Variants in CRB1 observed in about 807,000 individuals in gnomAD.
The protein encoded by CRB1 is protein crumbs homolog 1.
In CRB1, 83 loss-of-function variants were observed where a neutral mutation model predicts 120.0. The observed-to-expected ratio is 0.69, with a 90% confidence interval of 0.58 to 0.83. The LOEUF is 0.83. CRB1 is among the 40% of genes least tolerant of loss of function. CRB1 has a pLI of 0.00. For synonymous variants in CRB1, 625 were observed against 612.5 expected (o/e 1.02, Z -0.30); for missense variants, 1,699 against 1,687.6 (o/e 1.01, Z -0.12).
At chr1:197,374,032 C>T (rs1395756464) in intron 5 of CRB1, among the ~76,000 whole-genome samples, 1 of 152,104 alleles carries the variant, frequency 6.6e-6, no homozygotes. Context: ...GTAATGTGGC[C>T]TCCTTTACTG....
At chr1:197,461,531 A>C (rs1315598916) in intron 11 of CRB1, among the ~76,000 whole-genome samples, 1 of 152,176 alleles carries the variant, frequency 6.6e-6, no homozygotes, top group Non-Finnish European at 1.5e-5. Context: ...CTGTGACAGA[A>C]GAGTAGGCTG....
At chr1:197,451,708 A>G (rs915869540) in intron 11 of CRB1, among the ~76,000 whole-genome samples, 3 of 152,340 alleles carry the variant, frequency 2.0e-5, no homozygotes, top group Admixed American at 2.0e-4. Flanking sequence ...ACAAGATCTG[A>G]AACAGAATCG....
intron 2 of CRB1, among the ~76,000 whole-genome samples, chr1:197,331,569 TAAG>T (rs1409245865): frequency 6.6e-6 from 1 of 152,092 alleles, no homozygotes; most frequent in African/African-American, 2.4e-5. Context: ...TGAATAAAAA[TAAG>T]AAATTTTTGT....
chr1:197,268,054 T>C, upstream of CRB1: 1 of 248,948 alleles, frequency 4.0e-6, no homozygotes, highest in Non-Finnish European at 8.0e-6. Context: ...AATTAATCCC[T>C]CTATTGAGAG....
intron 3 of CRB1, among the ~76,000 whole-genome samples, chr1:197,345,454 G>C (rs569463118): frequency 6.6e-6 from 1 of 150,790 alleles, no homozygotes; most frequent in South Asian, 2.1e-4. Context: ...GAGTCAAAAG[G>C]AGAGCAATAA....
chr1:197,450,176 G>T (rs1665892651), intron 11 of CRB1, among the ~76,000 whole-genome samples: 1 of 152,078 alleles, frequency 6.6e-6, no homozygotes, highest in Admixed American at 6.5e-5. Flanking sequence ...TATGCCGAAG[G>T]GTTACTCTAG....
the CRB1 span, among the ~76,000 whole-genome samples, chr1:197,236,397 C>T: frequency 1.4e-4 from 21 of 152,044 alleles, no homozygotes; most frequent in Non-Finnish European, 2.6e-4. Context: ...GATGCGGTTT[C>T]GCCATGTTGG....
chr1:197,312,967 C>G (rs555752406), intron 1 of CRB1, among the ~76,000 whole-genome samples: 1 of 152,244 alleles, frequency 6.6e-6, no homozygotes, highest in African/African-American at 2.4e-5. Context: ...CATTCTCACA[C>G]TGCTATAAAG....
At chr1:197,368,551 T>C (rs1210949234) in intron 5 of CRB1, among the ~76,000 whole-genome samples, 3 of 152,324 alleles carry the variant, frequency 2.0e-5, no homozygotes, top group South Asian at 2.1e-4. Flanking sequence ...CTGCCTATTA[T>C]TTAGAAAGAT....
At chr1:197,221,155 T>C in the CRB1 span, among the ~76,000 whole-genome samples, 1 of 152,310 alleles carries the variant, frequency 6.6e-6, no homozygotes, top group African/African-American at 2.4e-5. Flanking sequence ...AAGAGATTTT[T>C]AGAGGCCATG....
intron 1 of CRB1, among the ~76,000 whole-genome samples, chr1:197,320,171 C>CA (rs1319393534): frequency 6.6e-6 from 1 of 152,130 alleles, no homozygotes; most frequent in East Asian, 1.9e-4. Context: ...TAGTATTCAC[C>CA]AAAAATTGGA....
At chr1:197,246,073 A>G in the CRB1 span, among the ~76,000 whole-genome samples, 5 of 152,004 alleles carry the variant, frequency 3.3e-5, no homozygotes, top group Non-Finnish European at 7.4e-5. Context: ...TTCCCCAGGT[A>G]GTCTACACTG....
chr1:197,206,145 T>C, the CRB1 span, among the ~76,000 whole-genome samples: 3 of 152,232 alleles, frequency 2.0e-5, no homozygotes, highest in South Asian at 4.1e-4. Flanking sequence ...ATCTTCTCCT[T>C]TTTCTTGTTT....
intron 1 of CRB1, among the ~76,000 whole-genome samples, chr1:197,327,168 G>A (rs569508772): frequency 2.0e-5 from 3 of 148,370 alleles, no homozygotes; most frequent in Non-Finnish European, 3.0e-5. Context: ...AGCAGGCCTG[G>A]TACCCATCTG....
rs757003465 is a variant in CRB1, at chr1:197,438,560, C to T, written c.3763C>T (p.Pro1255Ser). ...TGKFCRQSRL[P>S]STVCGNEKTN... is the part of the protein sequence containing the mutation. ...TTATCTCTCTAGACAGAGCAGATTA[C>T]CCTCAACAGTCTGTGGGAATGAGAA... Residue 1255 changes from proline to serine, a missense_variant, in exon 10 of 12, where the codon CCC becomes TCC. Physicochemically the swap from Pro to Ser is moderately conservative, Grantham distance 74 (BLOSUM62 -1). Transcript: ENST00000367400. 1.2e-6 allele frequency: 2 copies of T among 1,612,420 alleles called. No homozygotes were observed. The highest frequency in any genetic ancestry group is 1.3e-5 in the African/African-American group (1 of 74,962).
the CRB1 span, among the ~76,000 whole-genome samples, chr1:197,260,720 G>A: frequency 6.7e-6 from 1 of 148,542 alleles, no homozygotes; most frequent in Admixed American, 6.7e-5. Flanking sequence ...TTTTTGAGAC[G>A]GAATCTCGCT....
intron 1 of CRB1, among the ~76,000 whole-genome samples, chr1:197,269,038 T>C (rs2125194791): frequency 6.6e-6 from 1 of 152,328 alleles, no homozygotes. Context: ...TAAATGAAGA[T>C]ATTATTTTCC....
intron 8 of CRB1, among the ~76,000 whole-genome samples, chr1:197,430,577 A>T (rs1305106040): frequency 6.6e-6 from 1 of 152,044 alleles, no homozygotes; most frequent in Non-Finnish European, 1.5e-5. Flanking sequence ...CCCACACACC[A>T]CCACCTCCCT....
chr1:197,354,471 CAG>C (rs1362658535), intron 4 of CRB1, among the ~76,000 whole-genome samples: 2 of 152,048 alleles, frequency 1.3e-5, no homozygotes, highest in Admixed American at 6.5e-5. Flanking sequence ...CGGACGTGTT[CAG>C]AGTTTCTTCT....
Sources: gnomAD v4.1 joint callset for allele counts (sites outside exome capture counted in the v4.1 genomes callset) on GRCh38, gnomAD v4.1.1 for gene constraint, MANE v1.5 for transcripts, NCBI Gene and HGNC (gene_info 2026-07-23, HGNC 2026-07-21) for gene names.